Variants in ABR observed in about 807,000 individuals in gnomAD.
ABR encodes ABR activator of RhoGEF and GTPase.
Under a neutral mutation model 107.2 loss-of-function variants are expected in ABR, and 35 were observed. That is an observed-to-expected ratio of 0.33 (90% confidence interval 0.25 to 0.43). The LOEUF (loss-of-function observed/expected upper bound fraction) is 0.43. ABR is among the 20% of genes least tolerant of loss of function. The probability of loss-of-function intolerance (pLI) is 1.00; values close to 1 mark genes in which losing one functional copy is unlikely to be tolerated. For missense variants in ABR, 815 were observed against 1,115.2 expected, an observed-to-expected ratio of 0.73 and a Z score of 3.83; for synonymous variants, 498 against 462.0, an observed-to-expected ratio of 1.08 and a Z score of -1.00.
At chr17:1,022,101 T>C (rs1486294031) in intron 16 of ABR, among the ~76,000 whole-genome samples, 1 of 47,516 alleles carries the variant, frequency 2.1e-5, no homozygotes, top group Non-Finnish European at 3.2e-5. Flanking sequence ...AGCAAGACTC[T>C]GTCTCAAAAA....
At chr17:1,022,358 G>T (rs528871002) in intron 16 of ABR, 1 of 152,436 alleles carries the variant, frequency 6.6e-6, no homozygotes, top group East Asian at 1.9e-4. Flanking sequence ...GCAGCCCCAC[G>T]CTCAGGGCTG....
chr17:1,021,487 G>C (rs2071627207), intron 16 of ABR, among the ~76,000 whole-genome samples: 1 of 152,198 alleles, frequency 6.6e-6, no homozygotes, highest in Non-Finnish European at 1.5e-5. Context: ...TTCCCTCAGA[G>C]GGGGTTGCAG....
intron 12 of ABR, among the ~76,000 whole-genome samples, chr17:1,057,657 A>ATGTGTG (rs796583275): frequency 1.7e-3 from 63 of 37,440 alleles, no homozygotes; most frequent in African/African-American, 5.6e-3. Flanking sequence ...GTATGTGTGT[A>ATGTGTG]TGTGTGTGTG....
intron 16 of ABR, among the ~76,000 whole-genome samples, chr17:1,029,117 AC>A (rs1312157718): frequency 2.3e-4 from 33 of 144,176 alleles, no homozygotes; most frequent in East Asian, 6.1e-4. Context: ...AAAAAAAAAA[AC>A]AAACAGGGAA....
chr17:1,005,774 G>A lies in ABR; in HGVS notation c.*306C>T, dbSNP rs2069978159. On this transcript the variant is annotated 3_prime_UTR_variant, in exon 23 of 23. Transcript: ENST00000302538. ...AGCGGGCTGTCTGTGTGCCCACGCC[G>A]GGCCGGTCACTACCTTTTCTGCCTG... The A allele has an allele frequency of 4.7e-6, 2 of 426,210 alleles. No homozygotes were observed. Among genetic ancestry groups the A allele is most frequent in the African/African-American group, 2.0e-5 (1 of 49,408 alleles). 26.4% of individuals were successfully genotyped at this position (426,210 alleles called of 1,614,324 possible). A position where few individuals can be genotyped will look rare whatever the true frequency, so the allele number is the denominator to read the frequency against.
At chr17:1,056,940 G>A (rs537824642) in intron 13 of ABR, 58 bp downstream of exon 13, 30 of 1,241,214 alleles carry the variant, frequency 2.4e-5, no homozygotes, top group South Asian at 1.2e-4. Flanking sequence ...ACGGGAAGCC[G>A]GCCACGCTCT....
intron 1 of ABR, among the ~76,000 whole-genome samples, chr17:1,221,789 A>G (rs112335566): frequency 9.8e-4 from 149 of 152,360 alleles, no homozygotes; most frequent in African/African-American, 2.8e-3. Context: ...GTGGCTTTGC[A>G]GACGCCAAGA....
chr17:1,107,225 G>C (rs995021029), intron 2 of ABR, among the ~76,000 whole-genome samples: 1 of 152,212 alleles, frequency 6.6e-6, no homozygotes, highest in Non-Finnish European at 1.5e-5. Flanking sequence ...TGTGACACGT[G>C]CTCAGGCTCT....
rs1184705681 is a variant in ABR, at chr17:1,070,571, G to C, written c.895-481C>G. Among the ~76,000 whole-genome samples the C allele has an allele frequency of 6.6e-6, 1 of 152,004 alleles. No individual in the cohort carries two copies. The highest frequency in any genetic ancestry group is 2.4e-5 in the African/African-American group (1 of 41,364). On this transcript the variant is annotated intron_variant, in intron 8 of 22. Coordinates refer to ENST00000302538, the MANE Select transcript of ABR (RefSeq NM_021962.5). This position sits in a 1 kb window ranked among gnomAD's most constrained non-coding sequence, Gnocchi z 4.2. ...CTTCATCTAGCCCCGGCTCAACCGA[G>C]ACCCGAGACCCGAGACCCACTCAGG... is the stretch of plus-strand genomic sequence containing the variant.
At chr17:1,021,792 G>GAA (rs35845220) in intron 16 of ABR, among the ~76,000 whole-genome samples, 1 of 129,042 alleles carries the variant, frequency 7.7e-6, no homozygotes, top group Non-Finnish European at 1.6e-5. Context: ...CCTGGCGGCA[G>GAA]AAAAAAAAAA....
intron 1 of ABR, among the ~76,000 whole-genome samples, chr17:1,201,064 T>A (rs1303755378): frequency 1.3e-5 from 2 of 152,176 alleles, no homozygotes; most frequent in African/African-American, 4.8e-5. Flanking sequence ...TCTGTTTGGA[T>A]TCAGGGCCCA....
chr17:1,012,227 A>G (rs1266669583), intron 18 of ABR: 3 of 694,030 alleles, frequency 4.3e-6, no homozygotes, highest in East Asian at 2.8e-5. Context: ...TGGGAAGGTA[A>G]GGCCGAGACT....
chr17:1,035,321 C>T (rs867015701), intron 16 of ABR, among the ~76,000 whole-genome samples: 1 of 149,682 alleles, frequency 6.7e-6, no homozygotes, highest in South Asian at 2.1e-4. Context: ...TCCCTCACTC[C>T]TTCCATCCCC....
intron 21 of ABR, 74 bp from the exon 22 acceptor site, chr17:1,007,386 C>T (rs1272152034): frequency 1.9e-5 from 30 of 1,570,092 alleles, no homozygotes; most frequent in East Asian, 1.8e-4. Context: ...CCTTGGCCTT[C>T]GCTGTGGGAA....
chr17:1,052,255 G>T (rs2032651278), intron 14 of ABR, among the ~76,000 whole-genome samples: 1 of 151,818 alleles, frequency 6.6e-6, no homozygotes, highest in Non-Finnish European at 1.5e-5. Context: ...GCCAGACCAG[G>T]GAGTGGGCCT....
intron 4 of ABR, among the ~76,000 whole-genome samples, chr17:1,087,639 A>G (rs1021782241): frequency 6.6e-6 from 1 of 152,150 alleles, no homozygotes; most frequent in Non-Finnish European, 1.5e-5. Context: ...GGGAGTACTG[A>G]GGCCCGGCCC....
intron 1 of ABR, among the ~76,000 whole-genome samples, chr17:1,149,013 TGCCTCA>T (rs1303698114): frequency 6.6e-6 from 1 of 150,764 alleles, no homozygotes; most frequent in Non-Finnish European, 1.5e-5. Flanking sequence ...GCCATTCTCC[TGCCTCA>T]GCCTCCCAAG....
At chr17:1,105,975 C>T (rs59879205) in intron 2 of ABR, among the ~76,000 whole-genome samples, 2 of 152,154 alleles carry the variant, frequency 1.3e-5, no homozygotes, top group Non-Finnish European at 2.9e-5. Context: ...TTCTACAACG[C>T]CCCCGTCACA....
At chr17:1,072,329 A>G (rs984943138) in intron 8 of ABR, among the ~76,000 whole-genome samples, 6 of 152,136 alleles carry the variant, frequency 3.9e-5, no homozygotes, top group Non-Finnish European at 7.3e-5. Flanking sequence ...ATGGGGGATC[A>G]GGATTGGAGA....
Sources: allele counts gnomAD v4.1 joint callset (sites outside exome capture counted in the v4.1 genomes callset), GRCh38; gene constraint gnomAD v4.1.1; non-coding constraint Gnocchi (gnomAD v3.1); transcripts MANE v1.5; gene names NCBI Gene and HGNC (gene_info 2026-07-23, HGNC 2026-07-21).